The following CADM1 variants were observed in gnomAD, a reference collection of about 807,000 sequenced individuals.
CADM1 encodes the protein cell adhesion molecule 1, also known as TSLC-1.
CADM1 carries 15 observed loss-of-function variants against 53.1 expected under a neutral mutation model. The ratio of observed to expected loss-of-function variants is 0.28; its 90% CI spans 0.19 to 0.44. The LOEUF is 0.44. Among genes scored for constraint, CADM1 ranks in the 20% least tolerant of loss-of-function variants. CADM1 has a pLI of 1.00. For synonymous variants in CADM1, 281 were observed against 243.0 expected (o/e 1.16, Z -1.45); for missense variants, 434 against 611.3 (o/e 0.71, Z 3.06).
intron 8 of CADM1, among the ~76,000 whole-genome samples, chr11:115,203,046 C>T (rs1029956684): frequency 1.3e-5 from 2 of 151,974 alleles, no homozygotes; most frequent in African/African-American, 4.8e-5. Context: ...AACTAAAAGG[C>T]CAAAATAGGA....
At chr11:115,432,656 A>G (rs1166103098) in intron 1 of CADM1, among the ~76,000 whole-genome samples, 12 of 152,216 alleles carry the variant, frequency 7.9e-5, no homozygotes, top group Admixed American at 7.9e-4. Flanking sequence ...AGAATCAATT[A>G]CCCAAACTTC....
At chr11:115,470,928 C>A (rs1278292838) in intron 1 of CADM1, among the ~76,000 whole-genome samples, 1 of 152,206 alleles carries the variant, frequency 6.6e-6, no homozygotes, top group Non-Finnish European at 1.5e-5. Context: ...GAAGTCAAAA[C>A]TGGTCCCCCT....
chr11:115,362,185 G>T (rs1946046402), intron 1 of CADM1, among the ~76,000 whole-genome samples: 1 of 152,128 alleles, frequency 6.6e-6, no homozygotes, highest in Non-Finnish European at 1.5e-5. Flanking sequence ...TTTCACTGAG[G>T]TTAATGATGC....
At chr11:115,449,025 G>T (rs1309111266) in intron 1 of CADM1, among the ~76,000 whole-genome samples, 1 of 152,186 alleles carries the variant, frequency 6.6e-6, no homozygotes, top group African/African-American at 2.4e-5. Context: ...ATTTAACAAG[G>T]AGCAGAGACC....
At chr11:115,244,752 G>A (rs985177979) in intron 1 of CADM1, among the ~76,000 whole-genome samples, 2 of 152,164 alleles carry the variant, frequency 1.3e-5, no homozygotes, top group Non-Finnish European at 2.9e-5. Context: ...TTTAAAGAGG[G>A]TTGTTTGCCT....
rs1938765693 is a variant in CADM1 at position 115,170,781 on chromosome 11, A to T, written c.*5693T>A. ...AGGCTTTGCTTGGCCATTACCCAAA[A>T]TGATATTCCCTGATACTATTCCAGT... is the stretch of plus-strand genomic sequence containing the variant. On this transcript the variant is annotated 3_prime_UTR_variant, in exon 12 of 12. Coordinates refer to ENST00000331581, the MANE Select transcript of CADM1 (RefSeq NM_001301043.2). The T allele has an allele frequency of 1.3e-5, 2 of 152,016 alleles. No homozygotes were observed. The highest frequency in any genetic ancestry group is 1.5e-5 in the Non-Finnish European group (1 of 67,884). 9.4% of individuals were successfully genotyped at this position (152,016 alleles called of 1,614,324 possible).
intron 1 of CADM1, among the ~76,000 whole-genome samples, chr11:115,357,021 A>T (rs1945891314): frequency 6.6e-6 from 1 of 152,210 alleles, no homozygotes; most frequent in Admixed American, 6.5e-5. Context: ...TGGCTTACAA[A>T]AATCAACTGT....
chr11:115,358,201 C>A (rs901709081), intron 1 of CADM1, among the ~76,000 whole-genome samples: 2 of 132,558 alleles, frequency 1.5e-5, no homozygotes, highest in Non-Finnish European at 3.6e-5. Context: ...GTCATTGATC[C>A]TCCTTCTCTC....
At chr11:115,189,939 G>C (rs987335342) in intron 10 of CADM1, among the ~76,000 whole-genome samples, 1 of 152,140 alleles carries the variant, frequency 6.6e-6, no homozygotes. Context: ...TTGAAAAATC[G>C]AGTAGTACTA....
At chr11:115,411,063 T>C (rs1425870772) in intron 1 of CADM1, among the ~76,000 whole-genome samples, 1 of 152,214 alleles carries the variant, frequency 6.6e-6, no homozygotes, top group South Asian at 2.1e-4. Context: ...TAAATCAGCA[T>C]AGAGCCCAGC....
chr11:115,271,362 A>C (rs1316522227), intron 1 of CADM1, among the ~76,000 whole-genome samples: 1 of 152,086 alleles, frequency 6.6e-6, no homozygotes, highest in Non-Finnish European at 1.5e-5. Context: ...GGCTCACTGC[A>C]AGCTCTGCCT....
intron 1 of CADM1, among the ~76,000 whole-genome samples, chr11:115,471,129 A>T (rs1274103228): frequency 6.6e-6 from 1 of 152,214 alleles, no homozygotes; most frequent in African/African-American, 2.4e-5. Flanking sequence ...CTACTCAGGG[A>T]CATATTTGCT....
At chr11:115,272,073 A>G (rs1251460347) in intron 1 of CADM1, among the ~76,000 whole-genome samples, 2 of 114,924 alleles carry the variant, frequency 1.7e-5, no homozygotes, top group Non-Finnish European at 4.2e-5. Flanking sequence ...CTGGTTCATT[A>G]TAGATTTTTT....
At chr11:115,282,545 A>G (rs1943615961) in intron 1 of CADM1, among the ~76,000 whole-genome samples, 1 of 152,234 alleles carries the variant, frequency 6.6e-6, no homozygotes, top group Non-Finnish European at 1.5e-5. Flanking sequence ...ATAAAAACAT[A>G]GCCCAGAATG....
chr11:115,280,797 C>A (rs1429648934), intron 1 of CADM1, among the ~76,000 whole-genome samples: 4 of 152,180 alleles, frequency 2.6e-5, no homozygotes, highest in Non-Finnish European at 5.9e-5. Flanking sequence ...GATACATTTT[C>A]TATCAAGATG....
intron 1 of CADM1, among the ~76,000 whole-genome samples, chr11:115,317,667 TA>T (rs1944704418): frequency 6.6e-6 from 1 of 152,214 alleles, no homozygotes; most frequent in South Asian, 2.1e-4. Context: ...GCTGTGTCAC[TA>T]ATTCCCTAAC....
At chr11:115,315,373 C>T (rs1944637546) in intron 1 of CADM1, among the ~76,000 whole-genome samples, 1 of 152,136 alleles carries the variant, frequency 6.6e-6, no homozygotes, top group Non-Finnish European at 1.5e-5. Context: ...AAGTTTTTGA[C>T]TTGTCCTGAA....
At chr11:115,422,416 CAA>C (rs1023464906) in intron 1 of CADM1, among the ~76,000 whole-genome samples, 2 of 152,142 alleles carry the variant, frequency 1.3e-5, no homozygotes, top group African/African-American at 4.8e-5. Flanking sequence ...CAGAAAGCCA[CAA>C]AAATAAAAGG....
intron 1 of CADM1, among the ~76,000 whole-genome samples, chr11:115,369,629 C>T (rs1307069197): frequency 6.6e-6 from 1 of 152,150 alleles, no homozygotes; most frequent in African/African-American, 2.4e-5. Flanking sequence ...GGCATATTGG[C>T]ATCCTGGAAT....
Sources: allele counts gnomAD v4.1 joint callset (sites outside exome capture counted in the v4.1 genomes callset), GRCh38; gene constraint gnomAD v4.1.1; transcripts MANE v1.5; gene names NCBI Gene and HGNC (gene_info 2026-07-23, HGNC 2026-07-21).